Variants in ADGRL2 observed in about 807,000 individuals in gnomAD.
The protein encoded by ADGRL2 is calcium-independent alpha-latrotoxin receptor 2.
A neutral mutation model predicts 157.4 loss-of-function variants in ADGRL2; 44 were observed. That is an observed-to-expected ratio of 0.28 (90% CI 0.22 to 0.36). The LOEUF (loss-of-function observed/expected upper bound fraction) is 0.36. Ranked by LOEUF, ADGRL2 falls within the 10% of genes least tolerant of loss-of-function variation. The pLI is 1.00. For missense variants in ADGRL2, 1,510 were observed against 1,768.9 expected (o/e 0.85, Z 2.63); for synonymous variants, 585 against 624.7 (o/e 0.94, Z 0.95).
At chr1:81,638,906 AG>A (rs1170572702) in intron 3 of ADGRL2, among the ~76,000 whole-genome samples, 1 of 152,142 alleles carries the variant, frequency 6.6e-6, no homozygotes, top group East Asian at 1.9e-4. Flanking sequence ...TGGGGAGCTG[AG>A]GTGAGAGGAT....
intron 3 of ADGRL2, among the ~76,000 whole-genome samples, chr1:81,683,112 G>A (rs2083155268): frequency 6.6e-6 from 1 of 152,170 alleles, no homozygotes; most frequent in Non-Finnish European, 1.5e-5. Context: ...CAGCCTGGGT[G>A]ACAGAATGAG....
At chr1:81,339,607 C>G (rs950187476) in intron 1 of ADGRL2, among the ~76,000 whole-genome samples, 3 of 151,906 alleles carry the variant, frequency 2.0e-5, no homozygotes, top group African/African-American at 7.3e-5. Context: ...TTTGTTTTTC[C>G]TTTAGTCCTT....
intron 2 of ADGRL2, among the ~76,000 whole-genome samples, chr1:81,782,775 T>C (rs1389954266): frequency 6.6e-6 from 1 of 152,208 alleles, no homozygotes; most frequent in Non-Finnish European, 1.5e-5. Context: ...TAGCTTTTTA[T>C]AAAAAGTTCA....
chr1:81,597,580 AT>A (rs2081260081), intron 3 of ADGRL2, among the ~76,000 whole-genome samples: 1 of 152,194 alleles, frequency 6.6e-6, no homozygotes. Context: ...TATTGTTTTC[AT>A]TTTACACATG....
In ADGRL2 at chr1:81,485,814, C is replaced by T. The variant is rs544832533; in HGVS notation, c.-248+40725C>T. Among the ~76,000 whole-genome samples the T allele has an allele frequency of 4.9e-4, 74 of 152,054 alleles. 1 individual carries two copies. The highest frequency in any genetic ancestry group is 1.7e-3 in the African/African-American group (71 of 41,354). ...TTGATTAGCAGTGCAGTCTGATTCA[C>T]TTATCAATGAATCATGTATAAATGA... On this transcript the variant is annotated intron_variant, in intron 2 of 24. Transcript: ENST00000370721.
At chr1:81,642,084 A>G (rs914961656) in intron 3 of ADGRL2, among the ~76,000 whole-genome samples, 1 of 124,222 alleles carries the variant, frequency 8.1e-6, no homozygotes, top group African/African-American at 3.1e-5. Context: ...TACTAAACAT[A>G]CAAAAAAAAA....
chr1:81,494,400 C>A (rs954217261), intron 2 of ADGRL2, among the ~76,000 whole-genome samples: 14 of 152,162 alleles, frequency 9.2e-5, no homozygotes, highest in Admixed American at 9.2e-4. Context: ...TGGCTTTTCC[C>A]TGGACAAGAT....
intron 2 of ADGRL2, among the ~76,000 whole-genome samples, chr1:81,567,130 G>A (rs2080580299): frequency 6.6e-6 from 1 of 152,098 alleles, no homozygotes; most frequent in Non-Finnish European, 1.5e-5. Flanking sequence ...AGGGGCATGA[G>A]CTAACAGCTA....
intron 2 of ADGRL2, among the ~76,000 whole-genome samples, chr1:81,536,436 G>A (rs930647024): frequency 4.6e-5 from 7 of 152,158 alleles, no homozygotes; most frequent in African/African-American, 1.4e-4. Flanking sequence ...CCAGAGATGA[G>A]TACAGATAAT....
chr1:81,903,379 T>C (rs1394337440), intron 2 of ADGRL2, among the ~76,000 whole-genome samples: 1 of 152,180 alleles, frequency 6.6e-6, no homozygotes, highest in African/African-American at 2.4e-5. Context: ...TGAAGACTTA[T>C]AAAATAAATC....
intron 16 of ADGRL2, among the ~76,000 whole-genome samples, chr1:81,971,001 T>G (rs1030209714): frequency 6.6e-6 from 1 of 152,132 alleles, no homozygotes; most frequent in Non-Finnish European, 1.5e-5. Context: ...TCAGGCAGTT[T>G]GAAAGGATTA....
intron 3 of ADGRL2, among the ~76,000 whole-genome samples, chr1:81,634,823 A>T (rs966162889): frequency 6.6e-6 from 1 of 151,964 alleles, no homozygotes; most frequent in Non-Finnish European, 1.5e-5. Flanking sequence ...CGCCTGGCCT[A>T]TGTTAGCTTT....
intron 1 of ADGRL2, among the ~76,000 whole-genome samples, chr1:81,325,062 A>C (rs1468622518): frequency 6.6e-6 from 1 of 152,164 alleles, no homozygotes; most frequent in Admixed American, 6.5e-5. Flanking sequence ...TGGCCATAGT[A>C]CATTTGAGAA....
At chr1:81,322,667 T>C (rs937802265) in intron 1 of ADGRL2, among the ~76,000 whole-genome samples, 6 of 152,078 alleles carry the variant, frequency 3.9e-5, no homozygotes, top group African/African-American at 1.2e-4. Flanking sequence ...TATAATTAGT[T>C]CTATACATTT....
chr1:81,391,019 A>G (rs1034275375), intron 1 of ADGRL2, among the ~76,000 whole-genome samples: 1 of 152,306 alleles, frequency 6.6e-6, no homozygotes, highest in Non-Finnish European at 1.5e-5. Flanking sequence ...ACACTTAAAG[A>G]AGATCCTCAC....
At chr1:81,398,681 T>A (rs961631251) in intron 1 of ADGRL2, among the ~76,000 whole-genome samples, 1 of 152,184 alleles carries the variant, frequency 6.6e-6, no homozygotes, top group Non-Finnish European at 1.5e-5. Context: ...GCAGTTGGTT[T>A]TTCTTTCCTT....
At chr1:81,591,796 G>A (rs528985831) in intron 3 of ADGRL2, among the ~76,000 whole-genome samples, 43 of 152,238 alleles carry the variant, frequency 2.8e-4, no homozygotes, top group African/African-American at 8.9e-4. Flanking sequence ...CCTGAGGATG[G>A]CCTTCAGCGA....
intron 2 of ADGRL2, among the ~76,000 whole-genome samples, chr1:81,532,860 G>A (rs966136348): frequency 5.3e-5 from 8 of 151,988 alleles, no homozygotes; most frequent in Admixed American, 2.6e-4. Flanking sequence ...ATCAAGGAAG[G>A]CCACAGTGAA....
chr1:81,558,102 C>T (rs1003160741), intron 2 of ADGRL2, among the ~76,000 whole-genome samples: 2 of 152,168 alleles, frequency 1.3e-5, no homozygotes, highest in African/African-American at 2.4e-5. Context: ...CAGTGCCTGG[C>T]ACACAGTAGG....
Sources: gnomAD v4.1 joint callset for allele counts (sites outside exome capture counted in the v4.1 genomes callset) on GRCh38, gnomAD v4.1.1 for gene constraint, MANE v1.5 for transcripts, NCBI Gene and HGNC (gene_info 2026-07-23, HGNC 2026-07-21) for gene names.